Variants in GNB1L observed in about 807,000 individuals in gnomAD.
GNB1L encodes G protein subunit beta 1 like, also known as guanine nucleotide-binding protein subunit beta-like protein 1.
A neutral mutation model predicts 29.1 loss-of-function variants in GNB1L; 20 were observed. That is an observed-to-expected ratio of 0.69 (90% confidence interval 0.48 to 1.00). The LOEUF (loss-of-function observed/expected upper bound fraction) is 1.00. Among genes scored for constraint, GNB1L ranks in the 50% least tolerant of loss-of-function variants. The pLI, the probability that GNB1L is intolerant of heterozygous loss-of-function variation, is 0.00. For missense variants in GNB1L, 421 were observed against 464.9 expected, an observed-to-expected ratio of 0.91 and a Z score of 0.87; for synonymous variants, 193 against 206.5, an observed-to-expected ratio of 0.93 and a Z score of 0.56.
At chr22:19,806,545 A>AG (rs1937436575) in intron 6 of GNB1L, 114 bp downstream of exon 6, 6 of 657,604 alleles carry the variant, frequency 9.1e-6, no homozygotes, top group Admixed American at 2.7e-5. Flanking sequence ...TCCCTGCGGC[A>AG]GGGGGGTGGG....
intron 7 of GNB1L, among the ~76,000 whole-genome samples, chr22:19,799,241 G>A (rs1937340731): frequency 2.6e-5 from 4 of 152,228 alleles, no homozygotes; most frequent in Admixed American, 1.3e-4. Context: ...TCAAGGCTGT[G>A]GGCACTACCC....
At chr22:19,825,780 C>A (rs1012455699) in intron 2 of GNB1L, among the ~76,000 whole-genome samples, 8 of 151,310 alleles carry the variant, frequency 5.3e-5, no homozygotes, top group African/African-American at 1.9e-4. Flanking sequence ...CATAGTCAGA[C>A]CCCCATCTCT....
rs370899360 is a variant in GNB1L at position 19,789,025 on chromosome 22, C to T, written c.733-65G>A. ...CCACAAGGCAGTGCTGCCCCTGGTG[C>T]CCCACCTGCAGCTGGAACCAGGAGA... On this transcript the variant is annotated intron_variant, in intron 7 of 7. Transcript: ENST00000329517. 306 of 1,505,394 alleles carry T rather than the reference C, an allele frequency of 2.0e-4. 2 individuals are homozygous for T. In the East Asian group the frequency reaches 3.9e-3, roughly 19 times the overall value. 93.3% of individuals were successfully genotyped at this position (1,505,394 alleles called of 1,614,324 possible). A position where few individuals can be genotyped will look rare whatever the true frequency, so the allele number is the denominator to read the frequency against.
At chr22:19,835,536 T>G (rs865992450) in intron 2 of GNB1L, among the ~76,000 whole-genome samples, 43 of 151,806 alleles carry the variant, frequency 2.8e-4, no homozygotes, top group African/African-American at 1.0e-3. Flanking sequence ...TAGCCAGGCA[T>G]AGTAGCGCAC....
intron 7 of GNB1L, among the ~76,000 whole-genome samples, chr22:19,800,338 G>A (rs369248071): frequency 3.3e-5 from 5 of 152,158 alleles, no homozygotes; most frequent in African/African-American, 7.2e-5. Context: ...AGAGCCCTCC[G>A]GGGGCTCTCA....
At chr22:19,847,380 T>C in intron 2 of GNB1L, 1 of 985,408 alleles carries the variant, frequency 1.0e-6, no homozygotes, top group South Asian at 4.7e-5. Context: ...ATCTTTGGGC[T>C]TTTCCAGTTC....
chr22:19,799,864 AG>A (rs1369729075), intron 7 of GNB1L, among the ~76,000 whole-genome samples: 2 of 152,204 alleles, frequency 1.3e-5, no homozygotes, highest in African/African-American at 2.4e-5. Flanking sequence ...TGCAATCTCC[AG>A]GGCCTCTAGG....
At chr22:19,810,394 G>T (rs1937485435) in intron 5 of GNB1L, among the ~76,000 whole-genome samples, 1 of 151,964 alleles carries the variant, frequency 6.6e-6, no homozygotes, top group African/African-American at 2.4e-5. Context: ...GGGGAGGAGG[G>T]GTGCGGTGAG....
chr22:19,848,049 C>T, intron 2 of GNB1L: 2 of 985,396 alleles, frequency 2.0e-6, no homozygotes, highest in Non-Finnish European at 2.4e-6. Context: ...CTATTCTCTG[C>T]TCATCTGTCC....
intron 2 of GNB1L, among the ~76,000 whole-genome samples, chr22:19,831,690 CA>C (rs902106860): frequency 7.9e-4 from 96 of 121,646 alleles, no homozygotes; most frequent in Non-Finnish European, 9.9e-4. Context: ...GACTCTGCCT[CA>C]AAAAAAAAAA....
chr22:19,848,156 G>A lies in GNB1L; in HGVS notation c.-21+6287C>T, dbSNP rs1938010258. 3.0e-6 allele frequency: 3 copies of A among 985,126 alleles called. No individual in the cohort carries two copies. The African/African-American group carries it at 5.2e-5, about 17-fold the overall frequency. The allele number at this position is 985,126 out of a possible 1,614,324, so 61.0% of individuals were successfully genotyped here. On this transcript the variant is annotated intron_variant, in intron 2 of 7. Coordinates refer to ENST00000329517, the MANE Select transcript of GNB1L (RefSeq NM_053004.3). ...TTCCTATTTTAAAGTTTTCCTTGCA[G>A]ACAGGTACTTTAAATACCATCTCAC...
intron 2 of GNB1L, among the ~76,000 whole-genome samples, chr22:19,843,837 CT>C (rs1226684520): frequency 6.6e-6 from 1 of 152,358 alleles, no homozygotes; most frequent in Non-Finnish European, 1.5e-5. Context: ...ACCCATCTCC[CT>C]TCTGGGTCTG....
chr22:19,821,151 A>T, intron 3 of GNB1L, 77 bp downstream of exon 3: 1 of 1,437,358 alleles, frequency 7.0e-7, no homozygotes, highest in Non-Finnish European at 9.5e-7. Flanking sequence ...CCCTCAAACA[A>T]GCGCTGGGCT....
rs1331128777 is a variant in GNB1L, at chr22:19,792,386, G to C, written c.733-3426C>G. On this transcript the variant is annotated intron_variant, in intron 7 of 7. Coordinates refer to ENST00000329517, the MANE Select transcript of GNB1L (RefSeq NM_053004.3). ...AGGCTAAGAAAGTGGTGAATCCCCT[G>C]TTTGAGAAAAGGCCTAAGAATTTTG... 5.2e-5 allele frequency: 75 copies of C among 1,446,324 alleles called. No homozygotes were observed. In the East Asian group the frequency reaches 1.6e-3, roughly 31 times the overall value. The allele number at this position is 1,446,324 out of a possible 1,614,324, so 89.6% of individuals were successfully genotyped here. A position where few individuals can be genotyped will look rare whatever the true frequency, so the allele number is the denominator to read the frequency against.
At chr22:19,814,407 A>G in intron 4 of GNB1L, among the ~76,000 whole-genome samples, 1 of 152,162 alleles carries the variant, frequency 6.6e-6, no homozygotes, top group Non-Finnish European at 1.5e-5. Context: ...CCCAGATGTT[A>G]GTAATTACTG....
At chr22:19,837,543 T>A (rs1297939302) in intron 2 of GNB1L, among the ~76,000 whole-genome samples, 1 of 152,216 alleles carries the variant, frequency 6.6e-6, no homozygotes. Flanking sequence ...TAAAATGCCA[T>A]TACCTACTTA....
At chr22:19,800,161 C>G (rs1343687371) in intron 7 of GNB1L, among the ~76,000 whole-genome samples, 1 of 152,258 alleles carries the variant, frequency 6.6e-6, no homozygotes, top group Non-Finnish European at 1.5e-5. Flanking sequence ...TTCAATTCAT[C>G]AATCCGGTCA....
At chr22:19,852,678 C>G (rs770537399) in intron 2 of GNB1L, among the ~76,000 whole-genome samples, 5 of 152,178 alleles carry the variant, frequency 3.3e-5, no homozygotes, top group Non-Finnish European at 5.9e-5. Flanking sequence ...AAGGGCAAGG[C>G]AGAATGACAG....
chr22:19,807,311 G>A (rs927013077), intron 5 of GNB1L, among the ~76,000 whole-genome samples: 8 of 152,324 alleles, frequency 5.3e-5, no homozygotes, highest in South Asian at 4.1e-4. Context: ...GTGCCATGCC[G>A]GCTTGTGGGG....
Sources: gnomAD v4.1 joint callset for allele counts (sites outside exome capture counted in the v4.1 genomes callset) on GRCh38, gnomAD v4.1.1 for gene constraint, MANE v1.5 for transcripts, NCBI Gene and HGNC (gene_info 2026-07-23, HGNC 2026-07-21) for gene names.